The following TRHDE variants were observed in gnomAD, a reference collection of about 807,000 sequenced individuals.
TRHDE encodes thyrotropin-releasing hormone-degrading ectoenzyme.
A neutral mutation model predicts 125.7 loss-of-function variants in TRHDE; 72 were observed. That is an observed-to-expected ratio of 0.57 (90% CI 0.47 to 0.70). The LOEUF (loss-of-function observed/expected upper bound fraction) is 0.70, where lower values mean the gene tolerates loss of function less well. Among genes scored for constraint, TRHDE ranks in the 30% least tolerant of loss-of-function variants. The pLI, the probability that TRHDE is intolerant of heterozygous loss-of-function variation, is 0.00. For synonymous variants in TRHDE, 509 were observed against 509.1 expected (o/e 1.00, Z 0.00); for missense variants, 1,110 against 1,327.1 (o/e 0.84, Z 2.54).
chr12:72,286,873 C>T lies in TRHDE; in HGVS notation c.1107C>T (p.Thr369=). The change falls in exon 2 of 19, where the codon ACC becomes ACT. Residue 369 remains threonine (T), a synonymous_variant. Transcript: ENST00000261180. ...DGWVTDHFSQ[T]PLMSTYYLAW... is the part of the protein sequence containing the mutation. ...GGGTTACGGATCACTTTTCACAGAC[C>T]CCTCTCATGTCCACATATTATTTAG... 1 of 1,613,634 alleles carries T rather than the reference C, an allele frequency of 6.2e-7. No individual in the cohort carries two copies. The highest frequency in any genetic ancestry group is 8.5e-7 in the Non-Finnish European group (1 of 1,179,894).
chr12:72,607,298 A>C (rs1336072819), intron 12 of TRHDE, among the ~76,000 whole-genome samples: 1 of 152,096 alleles, frequency 6.6e-6, no homozygotes, highest in Admixed American at 6.5e-5. Flanking sequence ...ATTTTTGGCA[A>C]GATTACTTCA....
rs1206313662 is a variant in TRHDE at position 72,575,419 on chromosome 12, T to C, written c.2265+31T>C. On this transcript the variant is annotated intron_variant, in intron 11 of 18. Coordinates refer to ENST00000261180, the MANE Select transcript of TRHDE (RefSeq NM_013381.3). ...CTCCAGATTTGCTTATCAAAGATAATTTTTGGTATGTGAACACCTACCATT... is the reference window on the plus strand; with the variant it reads ...CTCCAGATTTGCTTATCAAAGATAACTTTTGGTATGTGAACACCTACCATT... 1.1e-5 allele frequency: 18 copies of C among 1,613,166 alleles called. No individual in the cohort carries two copies. In the South Asian group the frequency reaches 2.0e-4, roughly 18 times the overall value.
chr12:72,469,621 A>G, intron 3 of TRHDE, 137 bp from the exon 4 acceptor site: 2 of 797,260 alleles, frequency 2.5e-6, no homozygotes, highest in South Asian at 1.7e-5. Flanking sequence ...AATGGCAAGT[A>G]GTTTAATTTG....
At chr12:72,446,918 A>G (rs1373724024) in intron 3 of TRHDE, among the ~76,000 whole-genome samples, 1 of 151,996 alleles carries the variant, frequency 6.6e-6, no homozygotes, top group Admixed American at 6.6e-5. Context: ...ATAATAATGG[A>G]AGACTTTAAC....
intron 3 of TRHDE, among the ~76,000 whole-genome samples, chr12:72,440,360 T>C (rs1487737610): frequency 6.6e-6 from 1 of 151,944 alleles, no homozygotes; most frequent in Non-Finnish European, 1.5e-5. Flanking sequence ...CATTAGGTCA[T>C]AGGCTTTTCT....
intron 2 of TRHDE, among the ~76,000 whole-genome samples, chr12:72,122,281 G>A (rs961109412): frequency 6.6e-6 from 1 of 152,106 alleles, no homozygotes; most frequent in African/African-American, 2.4e-5. Flanking sequence ...TCTTTATTCT[G>A]TGTCATTCAT....
intron 18 of TRHDE, among the ~76,000 whole-genome samples, chr12:72,658,909 G>A (rs1874808833): frequency 6.6e-6 from 1 of 152,128 alleles, no homozygotes; most frequent in African/African-American, 2.4e-5. Context: ...TAAGATTGAG[G>A]AACATTATTG....
intron 3 of TRHDE, among the ~76,000 whole-genome samples, chr12:72,411,313 G>C (rs1201073696): frequency 2.6e-5 from 4 of 151,642 alleles, no homozygotes; most frequent in Non-Finnish European, 5.9e-5. Context: ...ATTCAATAAG[G>C]TGCATATTAA....
intron 2 of TRHDE, among the ~76,000 whole-genome samples, chr12:72,370,274 A>T (rs1871517767): frequency 6.6e-6 from 1 of 152,182 alleles, no homozygotes; most frequent in South Asian, 2.1e-4. Flanking sequence ...ATTTCTCTGC[A>T]TCCCTACTGC....
intron 2 of TRHDE, among the ~76,000 whole-genome samples, chr12:72,118,299 A>G (rs1234829867): frequency 6.6e-6 from 1 of 152,062 alleles, no homozygotes; most frequent in African/African-American, 2.4e-5. Context: ...TTTCAGCATT[A>G]TTTGAAATGA....
At chr12:72,604,123 A>G (rs1470734607) in intron 12 of TRHDE, among the ~76,000 whole-genome samples, 2 of 152,218 alleles carry the variant, frequency 1.3e-5, no homozygotes, top group Non-Finnish European at 2.9e-5. Context: ...GTAATTTAAC[A>G]AAAGTCCAGA....
chr12:72,557,465 A>G (rs1428260925), intron 7 of TRHDE, among the ~76,000 whole-genome samples: 1 of 152,170 alleles, frequency 6.6e-6, no homozygotes, highest in Non-Finnish European at 1.5e-5. Context: ...AACACATGTA[A>G]ATGAATCCAT....
chr12:72,512,874 A>G (rs976189844), intron 6 of TRHDE, among the ~76,000 whole-genome samples: 1 of 151,870 alleles, frequency 6.6e-6, no homozygotes, highest in African/African-American at 2.4e-5. Flanking sequence ...AAAATTCAGA[A>G]TAAACATATT....
intron 6 of TRHDE, among the ~76,000 whole-genome samples, chr12:72,513,667 A>C (rs1221454171): frequency 6.6e-6 from 1 of 152,108 alleles, no homozygotes; most frequent in Non-Finnish European, 1.5e-5. Flanking sequence ...CTGTGATTTC[A>C]TACAACATAC....
At chr12:72,496,208 T>C (rs1877908854) in intron 5 of TRHDE, among the ~76,000 whole-genome samples, 1 of 152,208 alleles carries the variant, frequency 6.6e-6, no homozygotes, top group Non-Finnish European at 1.5e-5. Context: ...TTAAATTTCC[T>C]TCAAGAGTCA....
chr12:72,460,228 C>G (rs1876063776), intron 3 of TRHDE, among the ~76,000 whole-genome samples: 1 of 152,266 alleles, frequency 6.6e-6, no homozygotes, highest in African/African-American at 2.4e-5. Flanking sequence ...ATAACACTCA[C>G]AGTAGTCCTG....
chr12:72,474,775 A>G (rs1174149183), intron 5 of TRHDE, among the ~76,000 whole-genome samples: 2 of 152,148 alleles, frequency 1.3e-5, no homozygotes, highest in Non-Finnish European at 2.9e-5. Flanking sequence ...TATAATTTGA[A>G]GAACACGTAA....
At chr12:72,500,592 A>C (rs1284679538) in intron 6 of TRHDE, among the ~76,000 whole-genome samples, 2 of 151,908 alleles carry the variant, frequency 1.3e-5, no homozygotes, top group Non-Finnish European at 2.9e-5. Context: ...GGGTTTCACC[A>C]TGTTGGCCAG....
At chr12:72,129,283 G>A (rs988647454) in intron 2 of TRHDE, among the ~76,000 whole-genome samples, 2 of 152,158 alleles carry the variant, frequency 1.3e-5, no homozygotes, top group African/African-American at 4.8e-5. Context: ...CAGGTGGAAG[G>A]AAAATGCTAC....
Sources: gnomAD v4.1 joint callset for allele counts (sites outside exome capture counted in the v4.1 genomes callset) on GRCh38, gnomAD v4.1.1 for gene constraint, MANE v1.5 for transcripts, NCBI Gene and HGNC (gene_info 2026-07-23, HGNC 2026-07-21) for gene names.